CHD9: variants seen among roughly 807,000 people sequenced by gnomAD.
The protein encoded by CHD9 is ATP-dependent chromatin remodeler CHD9.
Under a neutral mutation model 316.1 loss-of-function variants are expected in CHD9, and 77 were observed. The observed-to-expected ratio is 0.24, with a 90% CI of 0.20 to 0.29. The LOEUF is 0.29. CHD9 is among the 10% of genes least tolerant of loss of function. CHD9 has a pLI of 1.00. For synonymous variants in CHD9, 1,129 were observed against 1,158.3 expected, an observed-to-expected ratio of 0.97 and a Z score of 0.51; for missense variants, 2,763 against 3,438.1, an observed-to-expected ratio of 0.80 and a Z score of 4.91.
rs547229923 is a variant in CHD9 at position 53,263,258 on chromosome 16, A to G, written c.4320+161A>G. ...ATGAACTGAGTGAGGTTCTCCTCCA[A>G]TTTAATACATCTAATATCTCCCATG... is the stretch of plus-strand genomic sequence containing the variant. On this transcript the variant is annotated intron_variant, in intron 20 of 38. Transcript: ENST00000447540. 5.3e-5 allele frequency among the ~76,000 whole-genome samples: 8 copies of G among 152,278 alleles called. No individual in the cohort carries two copies. In the East Asian group the frequency reaches 1.5e-3, roughly 29 times the overall value.
chr16:53,207,837 G>C (rs1349713905), intron 2 of CHD9, among the ~76,000 whole-genome samples: 1 of 151,660 alleles, frequency 6.6e-6, no homozygotes, highest in Non-Finnish European at 1.5e-5. Context: ...CTTTACTGCA[G>C]GAAATGGCAG....
chr16:53,240,881 T>TA (rs2049030021), intron 12 of CHD9, among the ~76,000 whole-genome samples: 2 of 152,114 alleles, frequency 1.3e-5, no homozygotes, highest in Admixed American at 1.3e-4. Context: ...AAACTGAGGC[T>TA]AAAGAAGTTG....
At chr16:53,225,577 T>G (rs1362534781) in intron 4 of CHD9, among the ~76,000 whole-genome samples, 2 of 152,154 alleles carry the variant, frequency 1.3e-5, no homozygotes, top group Non-Finnish European at 2.9e-5. Context: ...ATTCCAGATT[T>G]AAAATTACTT....
intron 4 of CHD9, 25 bp from the exon 5 acceptor site, chr16:53,226,341 A>G (rs571012040): frequency 6.8e-7 from 1 of 1,468,494 alleles, no homozygotes; most frequent in Non-Finnish European, 9.1e-7. Flanking sequence ...AATTATATAA[A>G]TCTGATTCTT....
At chr16:53,223,289 A>G (rs545182394) in intron 4 of CHD9, among the ~76,000 whole-genome samples, 114 of 150,764 alleles carry the variant, frequency 7.6e-4, no homozygotes, top group African/African-American at 2.6e-3. Flanking sequence ...TATTCAAAAT[A>G]ACCCTCTGAA....
At chr16:53,311,838 A>T (rs1460702825) in intron 34 of CHD9, 3 of 152,244 alleles carry the variant, frequency 2.0e-5, no homozygotes, top group Non-Finnish European at 4.4e-5. Context: ...AATGAGCTTA[A>T]TAATCCCTCT....
chr16:53,116,205 G>A (rs778042787), intron 1 of CHD9, among the ~76,000 whole-genome samples: 17 of 152,134 alleles, frequency 1.1e-4, no homozygotes, highest in Non-Finnish European at 2.2e-4. Flanking sequence ...GATTACAGGC[G>A]CATGCCACTA....
Position 53,222,732 on chromosome 16 carries a change from A to G in CHD9, c.1873A>G (p.Thr625Ala). 2 of 1,550,782 alleles carry G rather than the reference A, an allele frequency of 1.3e-6. No homozygotes were observed. Among genetic ancestry groups the G allele is most frequent in the East Asian group, 2.3e-5 (1 of 43,696 alleles). Residue 625 changes from threonine (T) to alanine (A), a missense_variant, in exon 4 of 39, where the codon ACA (threonine) becomes GCA (alanine). By Grantham distance (58) the Thr-to-Ala change is moderately conservative (BLOSUM62 0). Transcript: ENST00000447540. ...TGATGCAGAACAGATGCCACAGCAT[A>G]CATTAAAAGATCAAGACTCTCAAGT... is the stretch of plus-strand genomic sequence containing the variant. ...ISDAEQMPQH[T>A]LKDQDSQKRR...
At chr16:53,129,972 GT>G (rs1363135868) in intron 1 of CHD9, among the ~76,000 whole-genome samples, 8 of 152,108 alleles carry the variant, frequency 5.3e-5, no homozygotes, top group African/African-American at 1.9e-4. Context: ...GGGAACCCAG[GT>G]TTTCCAGTAC....
intron 17 of CHD9, 153 bp downstream of exon 17, chr16:53,250,219 TTTAA>T: frequency 1.6e-6 from 1 of 616,266 alleles, no homozygotes; most frequent in South Asian, 2.3e-5. Flanking sequence ...GTGAAGTTAT[TTTAA>T]TTGTTATGAT....
At chr16:53,278,141 C>T (rs1403326397) in intron 24 of CHD9, among the ~76,000 whole-genome samples, 5 of 152,178 alleles carry the variant, frequency 3.3e-5, no homozygotes, top group African/African-American at 1.2e-4. Flanking sequence ...ATCCCATGCT[C>T]ATGGGTGGGT....
intron 1 of CHD9, among the ~76,000 whole-genome samples, chr16:53,073,093 T>C (rs2034243179): frequency 6.6e-6 from 1 of 152,224 alleles, no homozygotes; most frequent in Admixed American, 6.5e-5. Flanking sequence ...ATTCCTTTCA[T>C]CTTGTAAAAC....
intron 2 of CHD9, among the ~76,000 whole-genome samples, chr16:53,182,582 A>G (rs912608573): frequency 4.6e-5 from 7 of 152,112 alleles, no homozygotes; most frequent in Admixed American, 2.0e-4. Context: ...CTTGAATGCA[A>G]TTTTTGTTAT....
chr16:53,142,230 A>G (rs1352816741), intron 1 of CHD9, among the ~76,000 whole-genome samples: 1 of 152,108 alleles, frequency 6.6e-6, no homozygotes, highest in Admixed American at 6.5e-5. Flanking sequence ...GAAATAGATA[A>G]TTTTTGAGTA....
At chr16:53,318,819 C>T (rs949076095) in intron 37 of CHD9, among the ~76,000 whole-genome samples, 2 of 152,174 alleles carry the variant, frequency 1.3e-5, no homozygotes, top group African/African-American at 4.8e-5. Flanking sequence ...GGTTGAGAAA[C>T]TCTGATCTAA....
intron 37 of CHD9, chr16:53,319,736 A>G (rs2153111761): frequency 2.6e-6 from 2 of 755,842 alleles, no homozygotes; most frequent in Non-Finnish European, 3.6e-6. Context: ...ATTTTTAATT[A>G]TTGTAACTTC....
chr16:53,146,681 C>T (rs575180999), intron 1 of CHD9, among the ~76,000 whole-genome samples: 105 of 151,012 alleles, frequency 7.0e-4, no homozygotes, highest in African/African-American at 2.5e-3. Flanking sequence ...TGCCTGTAAT[C>T]CCAGCTACTT....
intron 1 of CHD9, among the ~76,000 whole-genome samples, chr16:53,071,821 A>C (rs543071757): frequency 2.6e-5 from 4 of 152,274 alleles, no homozygotes; most frequent in African/African-American, 9.6e-5. Flanking sequence ...GTGAGGGAAC[A>C]CAGTGTGATG....
chr16:53,245,900 A>C lies in CHD9; in HGVS notation c.3454+50A>C. On this transcript the variant is annotated intron_variant, in intron 15 of 38. Coordinates refer to ENST00000447540, the MANE Select transcript of CHD9 (RefSeq NM_001308319.2). This position sits in a 1 kb window ranked among gnomAD's most constrained non-coding sequence, Gnocchi z 4.1. ...TATGTTTTTTCTTGCAACAAATACT[A>C]ATGAATAAATAAACAGAACACACTA... 7.7e-7 allele frequency: 1 copy of C among 1,294,502 alleles called. No homozygotes were observed. Among genetic ancestry groups the C allele is most frequent in the East Asian group, 2.5e-5 (1 of 39,386 alleles). 80.2% of individuals were successfully genotyped at this position (1,294,502 alleles called of 1,614,324 possible). A position where few individuals can be genotyped will look rare whatever the true frequency, so the allele number is the denominator to read the frequency against.
Sources: gnomAD v4.1 joint callset for allele counts (sites outside exome capture counted in the v4.1 genomes callset) on GRCh38, gnomAD v4.1.1 for gene constraint, Gnocchi (gnomAD v3.1) non-coding constraint, MANE v1.5 for transcripts, NCBI Gene and HGNC (gene_info 2026-07-23, HGNC 2026-07-21) for gene names.